KSR2: variants seen among roughly 807,000 people sequenced by gnomAD.
The protein encoded by KSR2 is kinase suppressor of ras 2.
In KSR2, 25 loss-of-function variants were observed where a neutral mutation model predicts 107.8. The observed-to-expected ratio is 0.23, with a 90% CI of 0.17 to 0.32. The LOEUF is 0.32. Ranked by LOEUF, KSR2 falls within the 10% of genes least tolerant of loss-of-function variation. The pLI, the probability that KSR2 is intolerant of heterozygous loss-of-function variation, is 1.00. For missense variants in KSR2, 887 were observed against 1,268.9 expected, an observed-to-expected ratio of 0.70 and a Z score of 4.57; for synonymous variants, 480 against 507.0, an observed-to-expected ratio of 0.95 and a Z score of 0.71.
At chr12:117,916,440 C>A (rs1054166291) in intron 1 of KSR2, among the ~76,000 whole-genome samples, 1 of 152,122 alleles carries the variant, frequency 6.6e-6, no homozygotes, top group African/African-American at 2.4e-5. Context: ...CCCAGCCAAA[C>A]TGTGAGTGTT....
chr12:117,788,214 G>A (rs1052420176), intron 3 of KSR2, among the ~76,000 whole-genome samples: 5 of 152,198 alleles, frequency 3.3e-5, no homozygotes, highest in Admixed American at 6.5e-5. Context: ...GATCTCCTCT[G>A]AAACAAAAGA....
At chr12:117,716,704 C>T (rs1315559350) in intron 4 of KSR2, among the ~76,000 whole-genome samples, 1 of 152,188 alleles carries the variant, frequency 6.6e-6, no homozygotes, top group African/African-American at 2.4e-5. Flanking sequence ...TACTAATTAG[C>T]TCTCTGACCT....
chr12:117,594,990 G>A (rs1248526073), intron 5 of KSR2, among the ~76,000 whole-genome samples: 1 of 152,078 alleles, frequency 6.6e-6, no homozygotes, highest in African/African-American at 2.4e-5. Context: ...AGACAGGGAA[G>A]GACCTAGATC....
chr12:117,720,032 C>T (rs1887145181), intron 4 of KSR2, among the ~76,000 whole-genome samples: 1 of 152,216 alleles, frequency 6.6e-6, no homozygotes, highest in African/African-American at 2.4e-5. Context: ...GACTCAATAA[C>T]TTGAAGTTTG....
chr12:117,731,782 A>C (rs4313657), intron 4 of KSR2, among the ~76,000 whole-genome samples: 32 of 151,392 alleles, frequency 2.1e-4, no homozygotes, highest in Non-Finnish European at 2.9e-5. Context: ...ACTCAGGGTT[A>C]AATGGATTAA....
intron 3 of KSR2, among the ~76,000 whole-genome samples, chr12:117,841,982 C>G (rs1404768842): frequency 1.3e-5 from 2 of 152,282 alleles, no homozygotes; most frequent in Non-Finnish European, 2.9e-5. Flanking sequence ...TCCGTGACTA[C>G]TTCTTGCATT....
rs562024068 is a variant in KSR2 at position 117,554,695 on chromosome 12, A to T, written c.1518+474T>A. On this transcript the variant is annotated intron_variant, in intron 9 of 19. Coordinates refer to ENST00000339824, the MANE Select transcript of KSR2 (RefSeq NM_173598.6). ...TCTCTCTTGTCTGCCACCATATAAG[A>T]TGTGCCTTTCGCCTTCTGCCATGAT... Among the ~76,000 whole-genome samples the T allele has an allele frequency of 2.0e-5, 3 of 152,260 alleles. No individual in the cohort carries two copies. The South Asian group carries it at 6.2e-4, about 32-fold the overall frequency.
intron 3 of KSR2, among the ~76,000 whole-genome samples, chr12:117,779,907 T>G (rs1179224564): frequency 6.6e-6 from 1 of 152,210 alleles, no homozygotes; most frequent in East Asian, 1.9e-4. Flanking sequence ...GTAGTAATTC[T>G]CTTCCCTTCC....
intron 14 of KSR2, among the ~76,000 whole-genome samples, chr12:117,512,149 G>A (rs1400428964): frequency 6.6e-6 from 1 of 152,192 alleles, no homozygotes; most frequent in Admixed American, 6.5e-5. Context: ...AAGTCTGCAT[G>A]CAGTGGTAAA....
At chr12:117,633,435 A>G (rs1024453463) in intron 5 of KSR2, among the ~76,000 whole-genome samples, 6 of 152,236 alleles carry the variant, frequency 3.9e-5, no homozygotes, top group African/African-American at 7.2e-5. Flanking sequence ...TCAGTGTCCC[A>G]GAACTACTAT....
chr12:117,751,202 G>A (rs552025973), intron 4 of KSR2, among the ~76,000 whole-genome samples: 93 of 152,166 alleles, frequency 6.1e-4, no homozygotes, highest in South Asian at 5.0e-3. Context: ...CCTTGCTGCC[G>A]CCATGTGAAG....
chr12:117,542,408 T>A (rs958137002), intron 9 of KSR2, among the ~76,000 whole-genome samples: 8 of 138,848 alleles, frequency 5.8e-5, no homozygotes, highest in African/African-American at 2.1e-4. Context: ...AAGAGAGAGA[T>A]CTTATGTTTC....
intron 3 of KSR2, among the ~76,000 whole-genome samples, chr12:117,764,569 T>C (rs1365710370): frequency 6.6e-6 from 1 of 152,168 alleles, no homozygotes; most frequent in Non-Finnish European, 1.5e-5. Context: ...CGGGAAAAGA[T>C]ACTGAAACAA....
intron 3 of KSR2, among the ~76,000 whole-genome samples, chr12:117,854,203 C>T (rs1349814794): frequency 5.3e-5 from 8 of 152,130 alleles, no homozygotes; most frequent in East Asian, 3.9e-4. Flanking sequence ...GACGGGGTTT[C>T]GCCATGTTGC....
intron 4 of KSR2, among the ~76,000 whole-genome samples, chr12:117,740,609 A>C (rs1888173860): frequency 3.7e-5 from 4 of 108,406 alleles, no homozygotes; most frequent in South Asian, 3.1e-4. Flanking sequence ...TATAGATGTA[A>C]AATATACATA....
At chr12:117,575,578 C>G (rs1879233168) in intron 7 of KSR2, among the ~76,000 whole-genome samples, 1 of 152,160 alleles carries the variant, frequency 6.6e-6, no homozygotes, top group South Asian at 2.1e-4. Context: ...GCAAAAACTG[C>G]AGGAATTTAG....
At chr12:117,562,057 G>A (rs1398846453) in intron 7 of KSR2, among the ~76,000 whole-genome samples, 1 of 152,078 alleles carries the variant, frequency 6.6e-6, no homozygotes, top group African/African-American at 2.4e-5. Flanking sequence ...AATATTACAG[G>A]AAAATGGGTT....
At chr12:117,617,943 A>G (rs538943186) in intron 5 of KSR2, among the ~76,000 whole-genome samples, 6 of 152,350 alleles carry the variant, frequency 3.9e-5, no homozygotes, top group African/African-American at 1.4e-4. Context: ...AAATTATGAT[A>G]AAAGAAGATC....
At chr12:117,534,024 T>C (rs1188502139) in intron 10 of KSR2, among the ~76,000 whole-genome samples, 1 of 152,028 alleles carries the variant, frequency 6.6e-6, no homozygotes, top group Admixed American at 6.6e-5. Context: ...ACTGGTGACC[T>C]TGAGTGGGCT....
Sources: allele counts gnomAD v4.1 joint callset (sites outside exome capture counted in the v4.1 genomes callset), GRCh38; gene constraint gnomAD v4.1.1; transcripts MANE v1.5; gene names NCBI Gene and HGNC (gene_info 2026-07-23, HGNC 2026-07-21).